Variants in FRMD4A observed in about 807,000 individuals in gnomAD.
The protein encoded by FRMD4A is FERM domain-containing protein 4A.
FRMD4A carries 29 observed loss-of-function variants against 129.1 expected under a neutral mutation model. The observed-to-expected ratio is 0.22, with a 90% CI of 0.17 to 0.31. FRMD4A has a LOEUF of 0.31. Among genes scored for constraint, FRMD4A ranks in the 10% least tolerant of loss-of-function variants. The probability of loss-of-function intolerance (pLI) is 1.00; values close to 1 mark genes in which losing one functional copy is unlikely to be tolerated. For missense variants in FRMD4A, 1,272 were observed against 1,375.8 expected, an observed-to-expected ratio of 0.92 and a Z score of 1.19; for synonymous variants, 634 against 571.6, an observed-to-expected ratio of 1.11 and a Z score of -1.56.
chr10:13,660,085 C>CGT (rs1461772760), intron 20 of FRMD4A, among the ~76,000 whole-genome samples: 1 of 152,232 alleles, frequency 6.6e-6, no homozygotes, highest in Non-Finnish European at 1.5e-5. Flanking sequence ...AACCATCTGC[C>CGT]ATCACGTTGA....
chr10:14,039,407 C>CATCCATCCATCCATCTATCTATCT (rs1285305420), intron 2 of FRMD4A, among the ~76,000 whole-genome samples: 8 of 147,700 alleles, frequency 5.4e-5, no homozygotes, highest in African/African-American at 2.1e-4. Context: ...TCCATCCATC[C>CATCCATCCATCCATCTATCTATCT]ATCTATCTAT....
chr10:13,928,534 A>T (rs2095159997), intron 2 of FRMD4A, among the ~76,000 whole-genome samples: 2 of 152,054 alleles, frequency 1.3e-5, no homozygotes, highest in African/African-American at 4.8e-5. Flanking sequence ...AAAGATAAAG[A>T]CCCTTACTAG....
chr10:14,233,448 C>A (rs1330916498), intron 2 of FRMD4A, among the ~76,000 whole-genome samples: 2 of 152,180 alleles, frequency 1.3e-5, no homozygotes, highest in Non-Finnish European at 2.9e-5. Context: ...GTGGTGCACA[C>A]CTATAATCCC....
chr10:13,972,460 A>G, intron 2 of FRMD4A: 1 of 231,926 alleles, frequency 4.3e-6, no homozygotes, highest in Non-Finnish European at 7.1e-6. Context: ...TGGAAAGAAT[A>G]CTTATCTGAT....
chr10:14,211,674 G>A (rs1200059139), intron 2 of FRMD4A, among the ~76,000 whole-genome samples: 1 of 152,136 alleles, frequency 6.6e-6, no homozygotes, highest in Non-Finnish European at 1.5e-5. Flanking sequence ...CAGAGCAAAT[G>A]ATAATTGTGT....
chr10:14,232,849 G>C (rs1843682722), intron 2 of FRMD4A, among the ~76,000 whole-genome samples: 1 of 152,188 alleles, frequency 6.6e-6, no homozygotes, highest in Non-Finnish European at 1.5e-5. Context: ...TTTCTAGGTA[G>C]AGAATCAAAT....
chr10:14,075,819 A>C (rs76191832), intron 2 of FRMD4A, among the ~76,000 whole-genome samples: 1,702 of 152,230 alleles, frequency 0.011, 41 homozygotes, highest in African/African-American at 0.039. Context: ...AGGAATCAAC[A>C]AACCACATCT....
chr10:14,029,566 C>A (rs1833139381), intron 2 of FRMD4A, among the ~76,000 whole-genome samples: 1 of 152,148 alleles, frequency 6.6e-6, no homozygotes, highest in Non-Finnish European at 1.5e-5. Context: ...TAACCTAGAG[C>A]AGTGGTTTTC....
chr10:13,988,775 CGTCT>C lies in FRMD4A; in HGVS notation c.46-129867_46-129864del, dbSNP rs577584845. Among the ~76,000 whole-genome samples the C allele has an allele frequency of 1.2e-3, 175 of 152,080 alleles. 1 individual carries two copies. Among genetic ancestry groups the C allele is most frequent in the Non-Finnish European group, 1.9e-3 (128 of 67,980 alleles). ...ATAGAGATCTATCTGCCTATCCATCCGTCTATCTATCTATCTACCTACCTACCTA... is the reference window on the plus strand; with the variant it reads ...ATAGAGATCTATCTGCCTATCCATCCATCTATCTATCTACCTACCTACCTA... On this transcript the variant is annotated intron_variant, in intron 2 of 24. Transcript: ENST00000357447.
intron 2 of FRMD4A, among the ~76,000 whole-genome samples, chr10:14,195,467 A>G (rs1031738095): frequency 2.0e-5 from 3 of 152,004 alleles, no homozygotes; most frequent in Admixed American, 2.0e-4. Context: ...AGAAAATAGC[A>G]GAGGGAACTC....
At chr10:13,715,136 T>C (rs1252792113) in intron 12 of FRMD4A, among the ~76,000 whole-genome samples, 1 of 152,196 alleles carries the variant, frequency 6.6e-6, no homozygotes, top group East Asian at 1.9e-4. Flanking sequence ...TCATGACTCT[T>C]GTTTACTCTT....
At chr10:13,974,858 T>C (rs1005767076) in intron 2 of FRMD4A, among the ~76,000 whole-genome samples, 5 of 152,176 alleles carry the variant, frequency 3.3e-5, no homozygotes, top group African/African-American at 9.7e-5. Context: ...TAATTCAGAG[T>C]TTCACAAGGC....
chr10:14,148,692 G>A (rs557859569), intron 2 of FRMD4A, among the ~76,000 whole-genome samples: 1 of 152,054 alleles, frequency 6.6e-6, no homozygotes, highest in South Asian at 2.1e-4. Context: ...AACCCAGGAG[G>A]TGGAGGTTGC....
chr10:13,970,039 C>T (rs771750107), intron 2 of FRMD4A, among the ~76,000 whole-genome samples: 2 of 152,176 alleles, frequency 1.3e-5, no homozygotes, highest in Non-Finnish European at 2.9e-5. Context: ...ACAAACCAGC[C>T]ACATTACTGC....
chr10:14,093,515 T>G (rs188260131), intron 2 of FRMD4A, among the ~76,000 whole-genome samples: 2 of 152,324 alleles, frequency 1.3e-5, no homozygotes, highest in Admixed American at 1.3e-4. Flanking sequence ...GAGGTTCACT[T>G]GCCATCTAAA....
chr10:14,012,545 G>A (rs932609675), intron 2 of FRMD4A, among the ~76,000 whole-genome samples: 3 of 152,320 alleles, frequency 2.0e-5, no homozygotes, highest in African/African-American at 7.2e-5. Context: ...ACATTTTGCA[G>A]TGTTGGTGAT....
intron 2 of FRMD4A, among the ~76,000 whole-genome samples, chr10:14,269,030 C>G (rs1469839573): frequency 6.6e-6 from 1 of 152,146 alleles, no homozygotes; most frequent in African/African-American, 2.4e-5. Flanking sequence ...AAATGGGAAA[C>G]CTCAGATATA....
chr10:14,139,782 T>C (rs2131840119), intron 2 of FRMD4A, among the ~76,000 whole-genome samples: 1 of 152,342 alleles, frequency 6.6e-6, no homozygotes, highest in Non-Finnish European at 1.5e-5. Flanking sequence ...ATTGTTACTC[T>C]TGGGCTTCCG....
intron 2 of FRMD4A, chr10:13,870,842 C>T (rs889324369): frequency 2.0e-5 from 3 of 152,304 alleles, no homozygotes; most frequent in Non-Finnish European, 2.9e-5. Flanking sequence ...CTTCATTCAA[C>T]GTTCAGTTAT....
Sources: gnomAD v4.1 joint callset for allele counts (sites outside exome capture counted in the v4.1 genomes callset) on GRCh38, gnomAD v4.1.1 for gene constraint, MANE v1.5 for transcripts, NCBI Gene and HGNC (gene_info 2026-07-23, HGNC 2026-07-21) for gene names.